Variants in ITPRID2 observed in about 807,000 individuals in gnomAD.
ITPRID2 encodes the protein ITPR interacting domain containing 2, also known as protein ITPRID2.
A neutral mutation model predicts 124.3 loss-of-function variants in ITPRID2; 60 were observed. The observed-to-expected ratio is 0.48, with a 90% CI of 0.39 to 0.60. The LOEUF (loss-of-function observed/expected upper bound fraction) is 0.60, where lower values mean the gene tolerates loss of function less well. ITPRID2 is among the 20% of genes least tolerant of loss of function. The pLI is 0.00. For synonymous variants in ITPRID2, 521 were observed against 542.9 expected (o/e 0.96, Z 0.56); for missense variants, 1,553 against 1,512.2 (o/e 1.03, Z -0.45).
At position 181,910,836 on chromosome 2, in the gene ITPRID2, G is replaced by A. The variant is rs908552235; in HGVS notation, c.1486+865G>A. Among the ~76,000 whole-genome samples, 12 of 151,930 alleles carry A rather than the reference G, an allele frequency of 7.9e-5. No homozygotes were observed. Among genetic ancestry groups the A allele is most frequent in the African/African-American group, 2.9e-4 (12 of 41,358 alleles). On this transcript the variant is annotated intron_variant, in intron 9 of 17. Coordinates refer to ENST00000431877, the MANE Select transcript of ITPRID2 (RefSeq NM_001130445.3). The surrounding 1 kb of genome is among the most constrained non-coding windows in gnomAD (Gnocchi z 4.1). ...AGAAACAAGAGCTTCACTCTCACTC[G>A]GTCACTGCAGCTCTGGTTAGACTCA...
intron 15 of ITPRID2, among the ~76,000 whole-genome samples, chr2:181,921,225 C>G (rs1470449098): frequency 6.6e-6 from 1 of 151,654 alleles, no homozygotes; most frequent in Non-Finnish European, 1.5e-5. Context: ...TGCCTGTAAT[C>G]CCAGCATTTT....
Position 181,902,455 on chromosome 2 carries a change from G to A in ITPRID2, c.1402G>A (p.Glu468Lys). The A allele has an allele frequency of 1.9e-6, 3 of 1,547,610 alleles. No individual in the cohort carries two copies. Among genetic ancestry groups the A allele is most frequent in the East Asian group, 2.3e-5 (1 of 43,330 alleles). ...NIMTQQKDSF[E>K]MEEVQSTEGE... The stretch of plus-strand genomic sequence containing the variant: ...AATGACACAGCAGAAGGACTCCTTC[G>A]AAATGGAAGAGGTAGGTAAAAAATT... Residue 468 changes from glutamate (E) to lysine (K), a missense_variant, in exon 8 of 18, where the codon GAA becomes AAA. Transcript: ENST00000431877. This position sits in a 1 kb window ranked among gnomAD's most constrained non-coding sequence, Gnocchi z 4.4.
rs927039071 is a variant in ITPRID2, at chr2:181,915,079, A to G, written c.1576-137A>G. ...ATGTGGTTGCTGCTCAGGAGCAATA[A>G]AACAATTTTGAGCAACAGCAGGGCC... is the stretch of plus-strand genomic sequence containing the variant. On this transcript the variant is annotated intron_variant, in intron 10 of 17. Coordinates refer to ENST00000431877, the MANE Select transcript of ITPRID2 (RefSeq NM_001130445.3). 4.1e-6 allele frequency: 4 copies of G among 980,330 alleles called. No homozygotes were observed. The African/African-American group carries it at 6.5e-5, about 16-fold the overall frequency. 60.7% of individuals were successfully genotyped at this position (980,330 alleles called of 1,614,324 possible).
chr2:181,913,155 C>T (rs1328717868), intron 9 of ITPRID2, among the ~76,000 whole-genome samples: 2 of 152,120 alleles, frequency 1.3e-5, no homozygotes, highest in African/African-American at 4.8e-5. Context: ...GCAACCTCCA[C>T]CTCCCAGGTT....
intron 4 of ITPRID2, 100 bp from the exon 5 acceptor site, chr2:181,898,780 A>G: frequency 1.1e-6 from 1 of 871,528 alleles, no homozygotes; most frequent in Non-Finnish European, 1.9e-6. Context: ...TTTGGCATTT[A>G]ATTCTAATAT....
intron 6 of ITPRID2, among the ~76,000 whole-genome samples, chr2:181,899,718 C>T (rs1219693044): frequency 6.6e-6 from 1 of 152,110 alleles, no homozygotes; most frequent in Non-Finnish European, 1.5e-5. Flanking sequence ...GTGGGATCCA[C>T]CTGTAGTCAC....
At chr2:181,913,631 C>G (rs1451912918) in intron 9 of ITPRID2, among the ~76,000 whole-genome samples, 2 of 152,024 alleles carry the variant, frequency 1.3e-5, no homozygotes, top group East Asian at 3.9e-4. Flanking sequence ...AGATCTGATA[C>G]AGTTTTTGTT....
Position 181,891,897 on chromosome 2 carries a change from C to CT in ITPRID2, c.-168dup. On this transcript the variant is annotated 5_prime_UTR_variant, in exon 1 of 18. Transcript: ENST00000431877. The stretch of plus-strand genomic sequence containing the variant: ...GCCCTCCGCCCCTTCCCTCCCCTTC[C>CT]TTCCCTCCCTCCCTCCCTGTCCCCT... The CT allele has an allele frequency of 4.9e-6, 2 of 407,818 alleles. No homozygotes were observed. The highest frequency in any genetic ancestry group is 6.0e-5 in the East Asian group (1 of 16,750). 25.3% of individuals were successfully genotyped at this position (407,818 alleles called of 1,614,324 possible). A position where few individuals can be genotyped will look rare whatever the true frequency, so the allele number is the denominator to read the frequency against.
chr2:181,910,522 T>G lies in ITPRID2; in HGVS notation c.1486+551T>G. 1 of 652,410 alleles carries G rather than the reference T, an allele frequency of 1.5e-6. No individual in the cohort carries two copies. Among genetic ancestry groups the G allele is most frequent in the South Asian group, 1.8e-5 (1 of 54,218 alleles). 40.4% of individuals were successfully genotyped at this position (652,410 alleles called of 1,614,324 possible). A position where few individuals can be genotyped will look rare whatever the true frequency, so the allele number is the denominator to read the frequency against. ...GAACCTTTGAATCCATCCCTTTCAC[T>G]TTTAACTTGCAACAACAACAACAAC... is the stretch of plus-strand genomic sequence containing the variant. On this transcript the variant is annotated intron_variant, in intron 9 of 17. Transcript: ENST00000431877. This position sits in a 1 kb window ranked among gnomAD's most constrained non-coding sequence, Gnocchi z 4.1.
intron 9 of ITPRID2, among the ~76,000 whole-genome samples, chr2:181,911,854 C>T (rs897405795): frequency 3.3e-5 from 5 of 152,106 alleles, no homozygotes; most frequent in Admixed American, 6.6e-5. Context: ...TTGCTTATGA[C>T]GAGAAACACA....
chr2:181,929,402 G>T (rs546475408), intron 17 of ITPRID2, among the ~76,000 whole-genome samples, 159 bp from the exon 18 acceptor site: 5 of 151,572 alleles, frequency 3.3e-5, no homozygotes, highest in Non-Finnish European at 4.4e-5. Context: ...TTAAAGCCAG[G>T]GATATAAGAA....
At chr2:181,914,832 C>A (rs11695458) in intron 10 of ITPRID2, among the ~76,000 whole-genome samples, 1 of 152,022 alleles carries the variant, frequency 6.6e-6, no homozygotes, top group Non-Finnish European at 1.5e-5. Context: ...TGGAGGGATT[C>A]GCTTTGAGTT....
chr2:181,924,762 C>A (rs1180236732), intron 16 of ITPRID2, among the ~76,000 whole-genome samples: 1 of 152,148 alleles, frequency 6.6e-6, no homozygotes, highest in African/African-American at 2.4e-5. Context: ...TCTTTTCAGA[C>A]AAATATTTAA....
rs763598503 is a variant in ITPRID2 at position 181,892,211 on chromosome 2, CAGGACGAGGAGG to C, written c.163_174del (p.Glu55_Asp58del). 2.5e-4 allele frequency: 385 copies of C among 1,552,134 alleles called. 3 individuals carry two copies. The highest frequency in any genetic ancestry group is 8.7e-4 in the South Asian group (73 of 84,120). On this transcript the variant is annotated inframe_deletion, in exon 1 of 18. Coordinates refer to ENST00000431877, the MANE Select transcript of ITPRID2 (RefSeq NM_001130445.3). This position sits in a 1 kb window ranked among gnomAD's most constrained non-coding sequence, Gnocchi z 5.2. ...GGATCTGTCCACAGAAGCGACGACGCAGGACGAGGAGGAGGACGAGGAGGAGGACCTCCCCGG... is the reference window on the plus strand; with the variant it reads ...GGATCTGTCCACAGAAGCGACGACGCAGGACGAGGAGGAGGACCTCCCCGG...
intron 10 of ITPRID2, among the ~76,000 whole-genome samples, chr2:181,914,768 C>A (rs79225479): frequency 0.061 from 9,232 of 152,166 alleles, 445 homozygotes; most frequent in African/African-American, 0.12. Flanking sequence ...AAAATCCGGG[C>A]TGAAACTGGA....
At chr2:181,895,321 AT>A (rs1322363049) in intron 2 of ITPRID2, among the ~76,000 whole-genome samples, 1 of 152,080 alleles carries the variant, frequency 6.6e-6, no homozygotes, top group Admixed American at 6.5e-5. Context: ...AAAAAAAGAT[AT>A]TTCTCTCATC....
At position 181,891,993 on chromosome 2, in the gene ITPRID2, C is replaced by A; in HGVS notation, c.-74C>A. The A allele has an allele frequency of 6.9e-7, 1 of 1,456,832 alleles. No homozygotes were observed. Among genetic ancestry groups the A allele is most frequent in the Non-Finnish European group, 9.2e-7 (1 of 1,087,760 alleles). 90.2% of individuals were successfully genotyped at this position (1,456,832 alleles called of 1,614,324 possible). A position where few individuals can be genotyped will look rare whatever the true frequency, so the allele number is the denominator to read the frequency against. On this transcript the variant is annotated 5_prime_UTR_variant, in exon 1 of 18. Coordinates refer to ENST00000431877, the MANE Select transcript of ITPRID2 (RefSeq NM_001130445.3). ...CCCCTGCCCGGCCGGGCGCTGACAG[C>A]AAGGGCGGGGGTCCCTGCCGCCGCC...
In ITPRID2 at chr2:181,896,506, G is replaced by C. The variant is rs1692215026; in HGVS notation, c.308-402G>C. On this transcript the variant is annotated intron_variant, in intron 3 of 17. Coordinates refer to ENST00000431877, the MANE Select transcript of ITPRID2 (RefSeq NM_001130445.3). The surrounding 1 kb of genome is among the most constrained non-coding windows in gnomAD (Gnocchi z 4.3). ...TTCAAAGTACAACAAGCATGTGCAG[G>C]CAGTGGCAAGGCATATAAAAAAACA... Among the ~76,000 whole-genome samples, 1 of 151,870 alleles carries C rather than the reference G, an allele frequency of 6.6e-6. No homozygotes were observed. The highest frequency in any genetic ancestry group is 1.5e-5 in the Non-Finnish European group (1 of 67,832).
rs369219118 is a variant in ITPRID2, at chr2:181,896,014, G to C, written c.258-16G>C. 6.2e-7 allele frequency: 1 copy of C among 1,611,540 alleles called. No homozygotes were observed. Among genetic ancestry groups the C allele is most frequent in the Non-Finnish European group, 8.5e-7 (1 of 1,177,972 alleles). ...CCTTTCACAAGACTAAGGCTTATACGTTTATATGGTTTCAGTACACCTTTG... is the reference window on the plus strand; with the variant it reads ...CCTTTCACAAGACTAAGGCTTATACCTTTATATGGTTTCAGTACACCTTTG... On this transcript the variant is annotated splice_polypyrimidine_tract_variant and intron_variant, in intron 2 of 17. Transcript: ENST00000431877. The surrounding 1 kb of genome is among the most constrained non-coding windows in gnomAD (Gnocchi z 4.3).
Sources: allele counts gnomAD v4.1 joint callset (sites outside exome capture counted in the v4.1 genomes callset), GRCh38; gene constraint gnomAD v4.1.1; non-coding constraint Gnocchi (gnomAD v3.1); transcripts MANE v1.5; gene names NCBI Gene and HGNC (gene_info 2026-07-23, HGNC 2026-07-21).